Variants in GRIP1 observed in about 807,000 individuals in gnomAD.
The protein encoded by GRIP1 is glutamate receptor interacting protein 1, also known as glutamate receptor-interacting protein 1.
Under a neutral mutation model 129.9 loss-of-function variants are expected in GRIP1, and 45 were observed. The observed-to-expected ratio is 0.35, with a 90% CI of 0.27 to 0.44. The LOEUF is 0.44. Among genes scored for constraint, GRIP1 ranks in the 20% least tolerant of loss-of-function variants. The pLI is 1.00. For missense variants in GRIP1, 1,196 were observed against 1,396.8 expected (o/e 0.86, Z 2.29); for synonymous variants, 530 against 520.8 (o/e 1.02, Z -0.24).
At chr12:67,024,251 T>G (rs1285862130) in intron 1 of GRIP1, among the ~76,000 whole-genome samples, 1 of 152,208 alleles carries the variant, frequency 6.6e-6, no homozygotes, top group Non-Finnish European at 1.5e-5. Flanking sequence ...CCCAACGCAC[T>G]GCAGATTCGT....
At chr12:66,609,404 A>G (rs554256894) in intron 1 of GRIP1, among the ~76,000 whole-genome samples, 1 of 152,146 alleles carries the variant, frequency 6.6e-6, no homozygotes, top group Non-Finnish European at 1.5e-5. Flanking sequence ...TATTTAAGCT[A>G]TGGGCTATCA....
chr12:66,691,357 C>T (rs1348332658), intron 1 of GRIP1, among the ~76,000 whole-genome samples: 1 of 152,130 alleles, frequency 6.6e-6, no homozygotes, highest in Non-Finnish European at 1.5e-5. Context: ...GAAAAACTAT[C>T]AAATGAATAC....
chr12:66,664,256 C>T (rs982949858), intron 1 of GRIP1, among the ~76,000 whole-genome samples: 10 of 152,194 alleles, frequency 6.6e-5, no homozygotes, highest in African/African-American at 2.4e-4. Flanking sequence ...GACTCTACTA[C>T]CTGCATTTCC....
intron 1 of GRIP1, among the ~76,000 whole-genome samples, chr12:66,746,602 T>C (rs2036954569): frequency 6.6e-6 from 1 of 152,204 alleles, no homozygotes; most frequent in Non-Finnish European, 1.5e-5. Flanking sequence ...CCTGTTGCTC[T>C]CTACTCGTGC....
At chr12:67,066,888 T>TTTTTTATATATATATA (rs59891449) in intron 1 of GRIP1, among the ~76,000 whole-genome samples, 101 of 125,636 alleles carry the variant, frequency 8.0e-4, no homozygotes, top group Non-Finnish European at 1.3e-3. Flanking sequence ...AAATATATAT[T>TTTTTTATATATATATA]TATATATATA....
At chr12:66,901,258 T>C (rs1444546679) in intron 1 of GRIP1, among the ~76,000 whole-genome samples, 1 of 152,188 alleles carries the variant, frequency 6.6e-6, no homozygotes, top group African/African-American at 2.4e-5. Flanking sequence ...CCAGTAAACA[T>C]CTGCAATTTC....
intron 1 of GRIP1, among the ~76,000 whole-genome samples, chr12:66,796,766 A>G (rs1292176540): frequency 6.6e-6 from 1 of 152,180 alleles, no homozygotes; most frequent in East Asian, 1.9e-4. Flanking sequence ...TACCACAAAT[A>G]CAATCTTCCT....
intron 15 of GRIP1, among the ~76,000 whole-genome samples, chr12:66,414,419 A>C (rs867493048): frequency 6.6e-5 from 10 of 152,208 alleles, no homozygotes; most frequent in African/African-American, 1.9e-4. Flanking sequence ...GGAGAACTAC[A>C]AACCACTGCT....
intron 1 of GRIP1, among the ~76,000 whole-genome samples, chr12:66,845,235 C>A (rs555622007): frequency 6.8e-6 from 1 of 146,690 alleles, no homozygotes; most frequent in Non-Finnish European, 1.5e-5. Context: ...GGCGGGTGGA[C>A]CACTTGAGGT....
chr12:66,593,739 TAGGGG>T (rs1435081404), intron 2 of GRIP1, among the ~76,000 whole-genome samples: 1 of 152,072 alleles, frequency 6.6e-6, no homozygotes, highest in African/African-American at 2.4e-5. Flanking sequence ...AGTGGAGCTT[TAGGGG>T]AGATATAGGC....
chr12:66,740,954 C>A, intron 1 of GRIP1, among the ~76,000 whole-genome samples: 1 of 152,010 alleles, frequency 6.6e-6, no homozygotes, highest in East Asian at 1.9e-4. Context: ...CATATGCTTT[C>A]AATGTATGCA....
At chr12:66,853,356 A>AT (rs1190212286) in intron 1 of GRIP1, among the ~76,000 whole-genome samples, 1 of 151,882 alleles carries the variant, frequency 6.6e-6, no homozygotes, top group Non-Finnish European at 1.5e-5. Flanking sequence ...CTTCATTTCT[A>AT]TAACAAATGT....
At chr12:66,916,594 T>A (rs1475193534) in intron 1 of GRIP1, among the ~76,000 whole-genome samples, 1 of 152,184 alleles carries the variant, frequency 6.6e-6, no homozygotes, top group Non-Finnish European at 1.5e-5. Flanking sequence ...ATTATTTTTT[T>A]AAATGCAAAA....
intron 6 of GRIP1, among the ~76,000 whole-genome samples, chr12:66,517,485 C>T (rs1208814403): frequency 6.6e-6 from 1 of 152,140 alleles, no homozygotes; most frequent in African/African-American, 2.4e-5. Context: ...CCACCACCAC[C>T]TATCTGTCCA....
chr12:66,574,587 A>G (rs2063075127), intron 2 of GRIP1, among the ~76,000 whole-genome samples: 1 of 152,212 alleles, frequency 6.6e-6, no homozygotes, highest in Non-Finnish European at 1.5e-5. Context: ...TAGAATAATG[A>G]CATCCTAATT....
At chr12:66,707,589 CT>C (rs1021702019) in intron 1 of GRIP1, among the ~76,000 whole-genome samples, 19 of 149,440 alleles carry the variant, frequency 1.3e-4, no homozygotes, top group African/African-American at 4.6e-4. Context: ...TCTCCTAGCA[CT>C]TCAAGTAACA....
chr12:66,555,618 A>C (rs1186514516), intron 2 of GRIP1, among the ~76,000 whole-genome samples: 2 of 152,200 alleles, frequency 1.3e-5, no homozygotes, highest in African/African-American at 4.8e-5. Context: ...GTAACCTTTC[A>C]GAGAGAGAAT....
rs200535600 is a variant in GRIP1 at position 66,449,677 on chromosome 12, A to C, written c.1355-4169T>G. ...TACCGTGATTACTCTCCAGATAATA[A>C]TTTTTGCTATCAGTGGCACCAAACC... On this transcript the variant is annotated intron_variant, in intron 11 of 24. Coordinates refer to ENST00000359742, the MANE Select transcript of GRIP1 (RefSeq NM_001366722.1). Among the ~76,000 whole-genome samples, 185 of 152,224 alleles carry C rather than the reference A, an allele frequency of 1.2e-3. 1 individual carries two copies. Among genetic ancestry groups the C allele is most frequent in the African/African-American group, 4.3e-3 (177 of 41,542 alleles).
At chr12:66,735,997 GAGA>G (rs1404750447) in intron 1 of GRIP1, among the ~76,000 whole-genome samples, 2 of 152,084 alleles carry the variant, frequency 1.3e-5, no homozygotes, top group African/African-American at 2.4e-5. Context: ...TGGCACCCAG[GAGA>G]AGAAGAGAAG....
Sources: gnomAD v4.1 joint callset for allele counts (sites outside exome capture counted in the v4.1 genomes callset) on GRCh38, gnomAD v4.1.1 for gene constraint, MANE v1.5 for transcripts, NCBI Gene and HGNC (gene_info 2026-07-23, HGNC 2026-07-21) for gene names.